The following ECPAS variants were observed in gnomAD, a reference collection of about 807,000 sequenced individuals.
The protein encoded by ECPAS is proteasome adapter and scaffold protein ECM29.
In ECPAS, 70 loss-of-function variants were observed where a neutral mutation model predicts 255.1. That is an observed-to-expected ratio of 0.27 (90% CI 0.23 to 0.33). The LOEUF is 0.33. ECPAS is among the 10% of genes least tolerant of loss of function. ECPAS has a pLI of 1.00. For missense variants in ECPAS, 1,817 were observed against 2,206.4 expected (o/e 0.82, Z 3.54); for synonymous variants, 784 against 775.0 (o/e 1.01, Z -0.19).
chr9:111,453,891 A>G (rs1297585075), intron 2 of ECPAS, among the ~76,000 whole-genome samples: 2 of 152,082 alleles, frequency 1.3e-5, no homozygotes, highest in African/African-American at 2.4e-5. Flanking sequence ...GGAAAACATC[A>G]CAACTAAATG....
intron 2 of ECPAS, among the ~76,000 whole-genome samples, chr9:111,456,704 T>C (rs2131992966): frequency 6.6e-6 from 1 of 152,248 alleles, no homozygotes; most frequent in East Asian, 1.9e-4. Context: ...CTCATCAAAA[T>C]TCTCTCCTCC....
intron 2 of ECPAS, among the ~76,000 whole-genome samples, chr9:111,467,441 T>G (rs1326088582): frequency 2.6e-5 from 4 of 152,232 alleles, no homozygotes; most frequent in Non-Finnish European, 5.9e-5. Context: ...TATGTGTCAT[T>G]ACTAACTTAC....
intron 1 of ECPAS, among the ~76,000 whole-genome samples, chr9:111,475,003 C>G (rs748012221): frequency 5.3e-5 from 8 of 152,180 alleles, no homozygotes; most frequent in Non-Finnish European, 8.8e-5. Context: ...TAATATTTCC[C>G]TATCTCCAAG....
Position 111,412,165 on chromosome 9 carries a change from A to C in ECPAS, c.2080-17T>G. On this transcript the variant is annotated splice_polypyrimidine_tract_variant and intron_variant, in intron 20 of 49. Transcript: ENST00000684092. ...CATCAGACTCTGAGCAGTATAAAAA[A>C]AAAACAAATATATACATGACACAGA... 1.3e-6 allele frequency: 2 copies of C among 1,549,708 alleles called. No individual in the cohort carries two copies.
At chr9:111,403,415 G>GA (rs1198335066) in intron 24 of ECPAS, among the ~76,000 whole-genome samples, 1 of 135,958 alleles carries the variant, frequency 7.4e-6, no homozygotes, top group East Asian at 2.6e-4. Flanking sequence ...GTAAAGGTAT[G>GA]AAAAAGATAC....
rs1304653228 is a variant in ECPAS, at chr9:111,422,011, T to C, written c.1365A>G (p.Glu455=). The change falls in exon 15 of 50, where the codon GAA becomes GAG. Residue 455 remains glutamate (E), a synonymous_variant. Transcript: ENST00000684092. ...EEPETRLAIQ[E]ALSMMVGAYS... ...ACGCTCCAACCATCATAGATAAAGCTTCTTGAATAGCAAGTCGAGTCTCAG... is the reference window on the plus strand; with the variant it reads ...ACGCTCCAACCATCATAGATAAAGCCTCTTGAATAGCAAGTCGAGTCTCAG... 5.0e-6 allele frequency: 8 copies of C among 1,613,694 alleles called. No individual in the cohort carries two copies. Among genetic ancestry groups the C allele is most frequent in the African/African-American group, 4.0e-5 (3 of 74,912 alleles).
At position 111,386,378 on chromosome 9, in the gene ECPAS, T is replaced by C. The variant is rs1339416271; in HGVS notation, c.3526A>G (p.Ser1176Gly). 1 of 1,578,892 alleles carries C rather than the reference T, an allele frequency of 6.3e-7. No individual in the cohort carries two copies. Among genetic ancestry groups the C allele is most frequent in the Non-Finnish European group, 8.7e-7 (1 of 1,152,248 alleles). ...TSNMWRVRES[S>G]CLALNDLLRG... ...AACTTATATTCCTAAAAACGGTACC[T>C]GGATTCTCGAACTCGCCACATATTG... Residue 1176 changes from serine to glycine, a missense_variant and splice_region_variant, in exon 32 of 50, where the codon AGC becomes GGC. Ser to Gly is a moderately conservative substitution (Grantham distance 56). This residue lies in a region of ECPAS where 960 missense variants were observed against 1,179.0 expected (regional missense o/e 0.81). Transcript: ENST00000684092.
chr9:111,473,150 A>G (rs2098291309), intron 1 of ECPAS, 150 bp from the exon 2 acceptor site: 1 of 172,986 alleles, frequency 5.8e-6, no homozygotes, highest in Non-Finnish European at 1.2e-5. Flanking sequence ...TATAATGACT[A>G]TCAAATTTGA....
chr9:111,418,303 C>T (rs1022924104), intron 16 of ECPAS, among the ~76,000 whole-genome samples: 2 of 152,074 alleles, frequency 1.3e-5, no homozygotes, highest in East Asian at 3.9e-4. Context: ...GTATGCTTTA[C>T]CTCGTAGAGT....
chr9:111,407,019 C>T (rs903539874), intron 24 of ECPAS, among the ~76,000 whole-genome samples: 6 of 148,878 alleles, frequency 4.0e-5, no homozygotes, highest in African/African-American at 1.3e-4. Context: ...TACCTTATTT[C>T]CATATTTCTA....
Position 111,370,595 on chromosome 9 carries a change from G to C in ECPAS, c.4814C>G (p.Pro1605Arg). 4 of 1,610,902 alleles carry C rather than the reference G, an allele frequency of 2.5e-6. No individual in the cohort carries two copies. Among genetic ancestry groups the C allele is most frequent in the Non-Finnish European group, 3.4e-6 (4 of 1,178,466 alleles). ...AELEKSVPNQ[P>R]STNEILQAVL... ...AGCTTGAAGAATTTCATTTGTGCTG[G>C]GTTGATTGGGCACAGACTTTTCCAG... The change falls in exon 45 of 50, where the codon CCC (proline) becomes CGC (arginine). Residue 1605 changes from proline to arginine, a missense_variant. This residue lies in a region of ECPAS where 960 missense variants were observed against 1,179.0 expected (regional missense o/e 0.81). Transcript: ENST00000684092.
intron 16 of ECPAS, among the ~76,000 whole-genome samples, chr9:111,418,942 G>A (rs2098208775): frequency 6.6e-6 from 1 of 152,172 alleles, no homozygotes; most frequent in Non-Finnish European, 1.5e-5. Context: ...ATTGAAATGT[G>A]CTCTATGAGA....
rs1436570702 is a variant in ECPAS at position 111,430,413 on chromosome 9, G to T, written c.930+134C>A. On this transcript the variant is annotated intron_variant, in intron 9 of 49. Coordinates refer to ENST00000684092, the MANE Select transcript of ECPAS (RefSeq NM_001364929.1). ...ACCAGGTTTTAATTCATCTAAACTA[G>T]CATGACTTAAAACTAGCATTTTGTT... is the stretch of plus-strand genomic sequence containing the variant. The T allele has an allele frequency of 3.5e-5, 23 of 665,816 alleles. No homozygotes were observed. In the East Asian group the frequency reaches 6.4e-4, roughly 19 times the overall value. The allele number at this position is 665,816 out of a possible 1,614,324, so 41.2% of individuals were successfully genotyped here. A position where few individuals can be genotyped will look rare whatever the true frequency, so the allele number is the denominator to read the frequency against.
chr9:111,379,439 G>C (rs1054577048), intron 35 of ECPAS, among the ~76,000 whole-genome samples: 1 of 152,192 alleles, frequency 6.6e-6, no homozygotes, highest in Non-Finnish European at 1.5e-5. Flanking sequence ...AGCTTTCAGC[G>C]AGTCATTATC....
intron 23 of ECPAS, 75 bp from the exon 24 acceptor site, chr9:111,408,747 G>A: frequency 1.2e-6 from 1 of 838,566 alleles, no homozygotes; most frequent in African/African-American, 1.7e-5. Context: ...TTTCCAAAAT[G>A]AGATGACAGG....
intron 9 of ECPAS, among the ~76,000 whole-genome samples, chr9:111,429,745 T>C (rs1218912227): frequency 1.3e-5 from 2 of 152,234 alleles, no homozygotes; most frequent in Non-Finnish European, 2.9e-5. Context: ...GGTGTGCACC[T>C]GTAGTCACAG....
chr9:111,371,832 A>G lies in ECPAS; in HGVS notation c.4529-3T>C. On this transcript the variant is annotated splice_region_variant and splice_polypyrimidine_tract_variant and intron_variant, in intron 42 of 49. Coordinates refer to ENST00000684092, the MANE Select transcript of ECPAS (RefSeq NM_001364929.1). ...TAATCGAATGCCACCAAAGGATCCTAGGAAAGCAAAATTAAAACAACTTTT... is the reference window on the plus strand; with the variant it reads ...TAATCGAATGCCACCAAAGGATCCTGGGAAAGCAAAATTAAAACAACTTTT... 1.3e-6 allele frequency: 2 copies of G among 1,597,602 alleles called. No homozygotes were observed. Among genetic ancestry groups the G allele is most frequent in the African/African-American group, 2.7e-5 (2 of 74,272 alleles).
At chr9:111,425,371 C>A in intron 12 of ECPAS, 47 bp downstream of exon 12, 1 of 1,226,274 alleles carries the variant, frequency 8.2e-7, no homozygotes. Flanking sequence ...ATAGAAAATA[C>A]TTTAAGATAT....
intron 1 of ECPAS, among the ~76,000 whole-genome samples, chr9:111,476,988 G>A (rs1012159446): frequency 6.6e-5 from 10 of 152,062 alleles, no homozygotes; most frequent in African/African-American, 1.9e-4. Context: ...TTTTAGTAGA[G>A]ATGGGGTTTC....
Sources: gnomAD v4.1 joint callset for allele counts (sites outside exome capture counted in the v4.1 genomes callset) on GRCh38, gnomAD v4.1.1 for gene constraint, gnomAD v4.1.1 regional missense constraint, MANE v1.5 for transcripts, NCBI Gene and HGNC (gene_info 2026-07-23, HGNC 2026-07-21) for gene names.